CRBN: variants seen among roughly 807,000 people sequenced by gnomAD.
The protein encoded by CRBN is cereblon.
A neutral mutation model predicts 62.2 loss-of-function variants in CRBN; 53 were observed. The observed-to-expected ratio is 0.85, with a 90% CI of 0.68 to 1.07. The LOEUF (loss-of-function observed/expected upper bound fraction) is 1.07. Among genes scored for constraint, CRBN ranks in the 50% least tolerant of loss-of-function variants. The probability of loss-of-function intolerance (pLI) is 0.00; values close to 1 mark genes in which losing one functional copy is unlikely to be tolerated. For missense variants in CRBN, 616 were observed against 531.1 expected, an observed-to-expected ratio of 1.16 and a Z score of -1.57; for synonymous variants, 208 against 176.1, an observed-to-expected ratio of 1.18 and a Z score of -1.43.
intron 9 of CRBN, 72 bp downstream of exon 9, chr3:3,153,352 G>A: frequency 1.1e-6 from 1 of 919,250 alleles, no homozygotes; most frequent in Admixed American, 1.8e-5. Flanking sequence ...GAAAGTTTAT[G>A]GAAAACAGAA....
chr3:3,155,879 T>G (rs1706868293), intron 6 of CRBN: 3 of 264,920 alleles, frequency 1.1e-5, no homozygotes, highest in Non-Finnish European at 2.2e-5. Flanking sequence ...CAATCTCAGC[T>G]CACGGCAGCC....
intron 10 of CRBN, among the ~76,000 whole-genome samples, 166 bp downstream of exon 10, chr3:3,152,290 G>T (rs1706617643): frequency 6.6e-6 from 1 of 151,840 alleles, no homozygotes; most frequent in Non-Finnish European, 1.5e-5. Flanking sequence ...GCAGCTGGGA[G>T]TACAGACCCC....
At chr3:3,152,329 C>G in intron 10 of CRBN, 127 bp downstream of exon 10, 1 of 1,064,398 alleles carries the variant, frequency 9.4e-7, no homozygotes. Flanking sequence ...ATTTTTGTAG[C>G]AAATTACTCA....
intron 3 of CRBN, 72 bp downstream of exon 3, chr3:3,173,987 T>C: frequency 2.3e-6 from 3 of 1,280,536 alleles, no homozygotes. Flanking sequence ...CAGCCTGCTT[T>C]GGCTTCAACA....
At chr3:3,153,598 A>G (rs1475308370) in intron 8 of CRBN, 110 bp from the exon 9 acceptor site, 2 of 744,826 alleles carry the variant, frequency 2.7e-6, no homozygotes, top group Admixed American at 2.0e-5. Context: ...CTCTCTCTGA[A>G]TATCACATTT....
At chr3:3,167,520 T>C in intron 5 of CRBN, 114 bp downstream of exon 5, 1 of 986,906 alleles carries the variant, frequency 1.0e-6, no homozygotes. Context: ...GCTGGAATAT[T>C]GCCATACAAG....
Position 3,174,233 on chromosome 3 carries a change from T to C in CRBN, c.203A>G (p.His68Arg), listed in dbSNP as rs1312427130. ...TYLGADMEEF[H>R]GRTLHDDDSC... ...GTCGTCATCGTGCAAAGTCCTGCCA[T>C]GAAATTCTTCCATATCAGCACCTAG... Residue 68 changes from histidine (H) to arginine (R), a missense_variant, in exon 3 of 11, where the codon CAT (histidine) becomes CGT (arginine). Physicochemically the swap from His to Arg is conservative, Grantham distance 29. Transcript: ENST00000231948. 3 of 1,613,986 alleles carry C rather than the reference T, an allele frequency of 1.9e-6. No individual in the cohort carries two copies. Among genetic ancestry groups the C allele is most frequent in the African/African-American group, 1.3e-5 (1 of 74,902 alleles).
chr3:3,164,274 T>C (rs761911786), intron 5 of CRBN, among the ~76,000 whole-genome samples: 3 of 152,190 alleles, frequency 2.0e-5, no homozygotes, highest in African/African-American at 7.2e-5. Flanking sequence ...GAAACACATG[T>C]CAAAGCTGAA....
In CRBN at chr3:3,150,728, C is replaced by A. The variant is rs1706471220; in HGVS notation, c.*137G>T. On this transcript the variant is annotated 3_prime_UTR_variant, in exon 11 of 11. Transcript: ENST00000231948. ...CAAATACAGTTTCACTTAGAAACTG[C>A]AACCCTCCAAGTAATGTTATGTTTA... 2 of 862,196 alleles carry A rather than the reference C, an allele frequency of 2.3e-6. No homozygotes were observed. The highest frequency in any genetic ancestry group is 3.4e-5 in the South Asian group (2 of 57,972). 53.4% of individuals were successfully genotyped at this position (862,196 alleles called of 1,614,324 possible).
chr3:3,157,885 A>G (rs1437413958), intron 5 of CRBN, among the ~76,000 whole-genome samples: 1 of 152,222 alleles, frequency 6.6e-6, no homozygotes, highest in Admixed American at 6.5e-5. Flanking sequence ...TCTTGTTACC[A>G]GAGATGTTCA....
chr3:3,153,117 TCTATGTTAGGGC>T, intron 9 of CRBN: 1 of 338,954 alleles, frequency 3.0e-6, no homozygotes, highest in South Asian at 3.2e-5. Context: ...TTCTGAAGCA[TCTATGTTAGGGC>T]CTAATTGAAG....
At chr3:3,154,641 TAATC>T (rs1706801507) in intron 7 of CRBN, 102 bp downstream of exon 7, 2 of 719,370 alleles carry the variant, frequency 2.8e-6, no homozygotes, top group Admixed American at 4.4e-5. Context: ...TAAAATGTTT[TAATC>T]AGTCTTAAAA....
intron 5 of CRBN, among the ~76,000 whole-genome samples, chr3:3,157,664 G>A (rs939406897): frequency 2.6e-5 from 4 of 152,088 alleles, no homozygotes; most frequent in Admixed American, 2.6e-4. Flanking sequence ...AGGGACTCGG[G>A]ACTGAGCTGA....
chr3:3,175,029 C>CAGTTAAATGAGGACTACA, intron 2 of CRBN, 134 bp downstream of exon 2: 1 of 152,736 alleles, frequency 6.5e-6, no homozygotes, highest in Non-Finnish European at 1.8e-5. Flanking sequence ...TGTTTATCTA[C>CAGTTAAATGAGGACTACA]TGGCAAATAG....
intron 5 of CRBN, among the ~76,000 whole-genome samples, chr3:3,163,808 G>A (rs1357951009): frequency 6.6e-6 from 1 of 152,144 alleles, no homozygotes; most frequent in East Asian, 1.9e-4. Flanking sequence ...CACAGATACT[G>A]CCTTTAAAAA....
intron 1 of CRBN, among the ~76,000 whole-genome samples, chr3:3,176,631 G>A (rs1707833667): frequency 6.6e-6 from 1 of 152,206 alleles, no homozygotes; most frequent in African/African-American, 2.4e-5. Flanking sequence ...AGCTACTGGG[G>A]AGGCTGAGGC....
chr3:3,156,453 G>A, intron 5 of CRBN, 172 bp from the exon 6 acceptor site: 1 of 624,732 alleles, frequency 1.6e-6, no homozygotes, highest in Non-Finnish European at 2.8e-6. Flanking sequence ...GTGAAATCAT[G>A]CTTCCTATAT....
intron 5 of CRBN, among the ~76,000 whole-genome samples, chr3:3,164,452 G>T (rs1707249641): frequency 6.6e-6 from 1 of 152,164 alleles, no homozygotes; most frequent in South Asian, 2.1e-4. Flanking sequence ...CTAATCCAGA[G>T]AAAGTCCCTA....
chr3:3,171,438 A>G (rs968601532), intron 4 of CRBN, among the ~76,000 whole-genome samples: 10 of 151,730 alleles, frequency 6.6e-5, no homozygotes. Context: ...TATAAAATTT[A>G]TGGTCCTAAA....
Sources: gnomAD v4.1 joint callset for allele counts (sites outside exome capture counted in the v4.1 genomes callset) on GRCh38, gnomAD v4.1.1 for gene constraint, MANE v1.5 for transcripts, NCBI Gene and HGNC (gene_info 2026-07-23, HGNC 2026-07-21) for gene names.